ZP3: variants seen among roughly 807,000 people sequenced by gnomAD.
ZP3 encodes the protein zona pellucida sperm-binding protein 3.
A neutral mutation model predicts 35.6 loss-of-function variants in ZP3; 21 were observed. That is an observed-to-expected ratio of 0.59 (90% CI 0.42 to 0.85). The LOEUF is 0.85. Ranked by LOEUF, ZP3 falls within the 40% of genes least tolerant of loss-of-function variation. The probability of loss-of-function intolerance (pLI) is 0.00; values close to 1 mark genes in which losing one functional copy is unlikely to be tolerated. For missense variants in ZP3, 437 were observed against 536.5 expected (o/e 0.81, Z 1.83); for synonymous variants, 207 against 214.5 (o/e 0.96, Z 0.31).
chr7:76,405,339 CTTTTTTT>C (rs1193527373), intron 1 of ZP3, among the ~76,000 whole-genome samples: 3 of 21,386 alleles, frequency 1.4e-4, no homozygotes, highest in East Asian at 2.5e-3. Context: ...TTCTTTCTTT[CTTTTTTT>C]TTTTTTTTTT....
chr7:76,404,798 G>A lies in ZP3; in HGVS notation c.-67+7001G>A, dbSNP rs180718055. Among the ~76,000 whole-genome samples, 111 of 152,070 alleles carry A rather than the reference G, an allele frequency of 7.3e-4. No homozygotes were observed. The South Asian group carries it at 0.011, about 15-fold the overall frequency. Reference sequence around the variant, plus strand: ...AAAATGCAAAAATTAGGCCGGCTGCGGTGGCTCATGCCTGTAATCCCAGCA... The same window carrying A: ...AAAATGCAAAAATTAGGCCGGCTGCAGTGGCTCATGCCTGTAATCCCAGCA... On this transcript the variant is annotated intron_variant, in intron 1 of 8. Transcript: ENST00000336517.
At chr7:76,413,253 G>A (rs138833129) in intron 1 of ZP3, among the ~76,000 whole-genome samples, 1 of 151,790 alleles carries the variant, frequency 6.6e-6, no homozygotes, top group Non-Finnish European at 1.5e-5. Context: ...GAGCCGCTGT[G>A]CCTGGCCTCT....
intron 1 of ZP3, among the ~76,000 whole-genome samples, chr7:76,403,649 CTTAT>C (rs1289342773): frequency 6.7e-6 from 1 of 149,996 alleles, no homozygotes; most frequent in Non-Finnish European, 1.5e-5. Flanking sequence ...TCAACTTATT[CTTAT>C]TTATTTATTT....
At chr7:76,419,113 A>G (rs2115861810) in intron 1 of ZP3, among the ~76,000 whole-genome samples, 1 of 152,270 alleles carries the variant, frequency 6.6e-6, no homozygotes, top group Middle Eastern at 3.4e-3. Context: ...GACTCAGTCT[A>G]GTCCCTGCCG....
chr7:76,432,554 A>T (rs1805862658), intron 2 of ZP3, among the ~76,000 whole-genome samples: 3 of 152,052 alleles, frequency 2.0e-5, no homozygotes, highest in South Asian at 4.1e-4. Context: ...AGCCTCAGGC[A>T]ATCCTCCAGT....
Position 76,425,088 on chromosome 7 carries a change from G to T in ZP3, c.124G>T (p.Val42Leu). ...CCATCCTGAGACGTCCGTACAGCCC[G>T]TACTGGTGGAGTGTCAGGAGGCCAC... ...ASHPETSVQP[V>L]LVECQEATLM... Residue 42 changes from valine to leucine, a missense_variant, in exon 1 of 8, where the codon GTA (valine) becomes TTA (leucine). By Grantham distance (32) the Val-to-Leu change is conservative. This residue lies in a region of ZP3 where 352 missense variants were observed against 308.4 expected (regional missense o/e 1.14). Coordinates refer to ENST00000394857, the MANE Select transcript of ZP3 (RefSeq NM_001110354.2). 1 of 1,613,760 alleles carries T rather than the reference G, an allele frequency of 6.2e-7. No individual in the cohort carries two copies. The highest frequency in any genetic ancestry group is 1.7e-5 in the Admixed American group (1 of 59,980).
chr7:76,410,454 G>C (rs1490109357), intron 1 of ZP3, among the ~76,000 whole-genome samples: 1 of 151,556 alleles, frequency 6.6e-6, no homozygotes. Flanking sequence ...CCGAGTTCAA[G>C]GGATTCTCCT....
In ZP3 at chr7:76,407,266, T is replaced by A. The variant is rs192457049; in HGVS notation, c.-67+9469T>A. 1.2e-3 allele frequency among the ~76,000 whole-genome samples: 176 copies of A among 152,194 alleles called. 7 individuals carry two copies. In the South Asian group the frequency reaches 0.032, roughly 28 times the overall value. ...GTGAGCCACCAGGCTTGGCCCTGATTTAAATTAACTCTAGGCCAAGTGTGG... is the reference window on the plus strand; with the variant it reads ...GTGAGCCACCAGGCTTGGCCCTGATATAAATTAACTCTAGGCCAAGTGTGG... On this transcript the variant is annotated intron_variant, in intron 1 of 8. Transcript: ENST00000336517.
intron 1 of ZP3, among the ~76,000 whole-genome samples, chr7:76,412,373 G>A (rs958691853): frequency 6.6e-6 from 1 of 152,110 alleles, no homozygotes; most frequent in South Asian, 2.1e-4. Flanking sequence ...AAACAGATTA[G>A]TAATGTTTAG....
intron 1 of ZP3, among the ~76,000 whole-genome samples, chr7:76,418,550 C>CAA (rs1203476650): frequency 0.033 from 969 of 29,632 alleles, 76 homozygotes; most frequent in African/African-American, 0.048. Context: ...GATTTCATCT[C>CAA]AAAAAAAAAA....
intron 3 of ZP3, 127 bp downstream of exon 3, chr7:76,433,157 G>GGTTTTGGTTT (rs1805885380): frequency 1.3e-6 from 1 of 771,472 alleles, no homozygotes; most frequent in South Asian, 1.8e-5. Flanking sequence ...GGTTTTGGTT[G>GGTTTTGGTTT]GTTTTGGTTG....
intron 1 of ZP3, among the ~76,000 whole-genome samples, chr7:76,416,970 ATAT>A (rs1563692996): frequency 0.19 from 23,742 of 128,238 alleles, 2,372 homozygotes; most frequent in East Asian, 0.29. Context: ...ATATATATAT[ATAT>A]AATTTGGCAT....
chr7:76,404,479 G>A (rs372419031), intron 1 of ZP3: 33 of 1,613,426 alleles, frequency 2.0e-5, no homozygotes, highest in Admixed American at 6.7e-5. Flanking sequence ...CCATCAAGGC[G>A]CCAGGGAGAA....
At chr7:76,404,655 G>A in intron 1 of ZP3, 1 of 636,226 alleles carries the variant, frequency 1.6e-6, no homozygotes, top group Non-Finnish European at 2.7e-6. Flanking sequence ...ATGAGGCCGG[G>A]TGTGGTGGCT....
At chr7:76,398,675 C>T in intron 1 of ZP3, 1 of 1,577,752 alleles carries the variant, frequency 6.3e-7, no homozygotes, top group Non-Finnish European at 8.7e-7. Context: ...GTGTGAGAGA[C>T]TCCTCTCCCA....
chr7:76,425,337 G>T, intron 1 of ZP3, 61 bp downstream of exon 1: 1 of 1,520,384 alleles, frequency 6.6e-7, no homozygotes, highest in Non-Finnish European at 8.8e-7. Flanking sequence ...CGGGTATGGG[G>T]ACTGTGGCCA....
intron 1 of ZP3, among the ~76,000 whole-genome samples, chr7:76,415,358 C>A (rs1805342978): frequency 5.6e-5 from 2 of 35,890 alleles, no homozygotes; most frequent in African/African-American, 3.4e-4. Flanking sequence ...GAGTGAGACT[C>A]CGTCTCAAAA....
At chr7:76,411,582 A>G (rs1347956362) in intron 1 of ZP3, among the ~76,000 whole-genome samples, 1 of 152,074 alleles carries the variant, frequency 6.6e-6, no homozygotes, top group African/African-American at 2.4e-5. Flanking sequence ...GGAAAAAAAA[A>G]GAACGATGAT....
chr7:76,412,965 C>CTTTTTTTTT (rs1160174272), intron 1 of ZP3, among the ~76,000 whole-genome samples: 1 of 102,598 alleles, frequency 9.7e-6, no homozygotes, highest in Non-Finnish European at 1.7e-5. Flanking sequence ...TCTTCTTCTT[C>CTTTTTTTTT]TTTTTTTTTT....
Sources: allele counts gnomAD v4.1 joint callset (sites outside exome capture counted in the v4.1 genomes callset), GRCh38; gene constraint gnomAD v4.1.1; regional missense constraint gnomAD v4.1.1; transcripts MANE v1.5; gene names NCBI Gene and HGNC (gene_info 2026-07-23, HGNC 2026-07-21).